Variants in SLC2A2 observed in about 807,000 individuals in gnomAD.
SLC2A2 encodes the protein solute carrier family 2, facilitated glucose transporter member 2.
In SLC2A2, 36 loss-of-function variants were observed where a neutral mutation model predicts 54.5. The observed-to-expected ratio is 0.66, with a 90% CI of 0.51 to 0.87. The LOEUF (loss-of-function observed/expected upper bound fraction) is 0.87. Ranked by LOEUF, SLC2A2 falls within the 40% of genes least tolerant of loss-of-function variation. SLC2A2 has a pLI of 0.00. For synonymous variants in SLC2A2, 223 were observed against 219.1 expected (o/e 1.02, Z -0.16); for missense variants, 543 against 624.3 (o/e 0.87, Z 1.39).
intron 7 of SLC2A2, 49 bp downstream of exon 7, chr3:171,005,236 A>G (rs1160095862): frequency 6.6e-7 from 1 of 1,520,266 alleles, no homozygotes; most frequent in Non-Finnish European, 9.1e-7. Flanking sequence ...TGCCTTCCCT[A>G]TTTTAATTCA....
intron 8 of SLC2A2, 125 bp from the exon 9 acceptor site, chr3:170,999,291 C>T: frequency 1.4e-6 from 1 of 721,132 alleles, no homozygotes; most frequent in East Asian, 2.8e-5. Context: ...GCAATTCCAT[C>T]CTTCCATTTT....
chr3:171,022,712 A>G (rs1426116141), intron 1 of SLC2A2, among the ~76,000 whole-genome samples: 1 of 152,146 alleles, frequency 6.6e-6, no homozygotes, highest in African/African-American at 2.4e-5. Flanking sequence ...TCTACCATAC[A>G]AACATATAAT....
At position 171,015,919 on chromosome 3, in the gene SLC2A2, T is replaced by G. The variant is rs185322054; in HGVS notation, c.109-1188A>C. ...ATATGCTTCATATAATTCAGATGAATTATAGGACATGGGAGGAAGACGAGG... is the reference window on the plus strand; with the variant it reads ...ATATGCTTCATATAATTCAGATGAAGTATAGGACATGGGAGGAAGACGAGG... On this transcript the variant is annotated intron_variant, in intron 2 of 10. Coordinates refer to ENST00000314251, the MANE Select transcript of SLC2A2 (RefSeq NM_000340.2). Among the ~76,000 whole-genome samples, 368 of 152,198 alleles carry G rather than the reference T, an allele frequency of 2.4e-3. 6 individuals carry two copies. The highest frequency in any genetic ancestry group is 6.5e-4 in the Non-Finnish European group (44 of 67,996).
chr3:171,009,915 GT>G (rs749307792), intron 4 of SLC2A2, 42 bp downstream of exon 4: 43,217 of 1,139,500 alleles, frequency 0.038, 536 homozygotes, highest in African/African-American at 0.11. Flanking sequence ...AAAGGTAGGT[GT>G]GTGTGTGTGT....
chr3:171,008,674 A>G (rs934798375), intron 4 of SLC2A2, among the ~76,000 whole-genome samples: 47 of 152,050 alleles, frequency 3.1e-4, no homozygotes, highest in African/African-American at 9.7e-4. Context: ...AATGGAGAGA[A>G]AAGAAAGAAG....
At chr3:171,003,152 A>C (rs1715417751) in intron 7 of SLC2A2, among the ~76,000 whole-genome samples, 1 of 151,902 alleles carries the variant, frequency 6.6e-6, no homozygotes. Flanking sequence ...AATTTTGTCT[A>C]CTTTTGTACT....
intron 2 of SLC2A2, 91 bp from the exon 3 acceptor site, chr3:171,014,822 T>A: frequency 1.0e-6 from 1 of 983,170 alleles, no homozygotes; most frequent in Non-Finnish European, 1.6e-6. Context: ...GTTTAAATAG[T>A]ACCATCTCAA....
chr3:171,014,171 G>A (rs557912966), intron 3 of SLC2A2, among the ~76,000 whole-genome samples: 18 of 152,288 alleles, frequency 1.2e-4, no homozygotes, highest in Non-Finnish European at 2.2e-4. Context: ...TGAGTTAACC[G>A]TTTGTGTAGT....
chr3:171,002,564 G>A lies in SLC2A2; in HGVS notation c.1068+12C>T. ...GGAACAAGCAGAGTATTTATCTAGG[G>A]CATTGACTTACAGAGACAGCAGTGA... is the stretch of plus-strand genomic sequence containing the variant. On this transcript the variant is annotated intron_variant, in intron 8 of 10. Transcript: ENST00000314251. 3 of 1,531,254 alleles carry A rather than the reference G, an allele frequency of 2.0e-6. No homozygotes were observed. The highest frequency in any genetic ancestry group is 2.7e-6 in the Non-Finnish European group (3 of 1,106,188). 94.9% of individuals were successfully genotyped at this position (1,531,254 alleles called of 1,614,324 possible).
At chr3:171,008,503 T>A (rs1013489243) in intron 4 of SLC2A2, among the ~76,000 whole-genome samples, 6 of 152,130 alleles carry the variant, frequency 3.9e-5, no homozygotes, top group Non-Finnish European at 1.5e-5. Context: ...TTTAGGAACT[T>A]TAATGCTCAG....
chr3:170,998,502 G>A, intron 9 of SLC2A2, 106 bp from the exon 10 acceptor site: 1 of 837,792 alleles, frequency 1.2e-6, no homozygotes, highest in Non-Finnish European at 2.0e-6. Flanking sequence ...TTTTTCTAAT[G>A]TATTTTGTTC....
At chr3:171,025,024 T>C (rs77638314) in intron 1 of SLC2A2, among the ~76,000 whole-genome samples, 2,057 of 152,316 alleles carry the variant, frequency 0.014, 48 homozygotes, top group African/African-American at 0.047. Context: ...ACCTTCCTTT[T>C]TGCAGTAGCT....
In SLC2A2 at chr3:170,996,792, A is replaced by C. The variant is rs1477848144; in HGVS notation, c.*1111T>G. On this transcript the variant is annotated 3_prime_UTR_variant, in exon 11 of 11. Transcript: ENST00000314251. ...AGGAGACGATTATTTTATGTTAGGAACACACCATAAAACAATCAGTCTTTC... is the reference window on the plus strand; with the variant it reads ...AGGAGACGATTATTTTATGTTAGGACCACACCATAAAACAATCAGTCTTTC... 7.6e-6 allele frequency: 3 copies of C among 395,134 alleles called. No individual in the cohort carries two copies. Among genetic ancestry groups the C allele is most frequent in the Non-Finnish European group, 1.3e-5 (3 of 224,084 alleles). 24.5% of individuals were successfully genotyped at this position (395,134 alleles called of 1,614,324 possible). A position where few individuals can be genotyped will look rare whatever the true frequency, so the allele number is the denominator to read the frequency against.
chr3:171,018,419 G>A (rs992582218), intron 2 of SLC2A2, 112 bp downstream of exon 2: 18 of 804,960 alleles, frequency 2.2e-5, no homozygotes, highest in Non-Finnish European at 4.0e-5. Context: ...GACAGGCCAG[G>A]ATGGCCTTGT....
intron 8 of SLC2A2, among the ~76,000 whole-genome samples, chr3:171,001,009 A>G (rs1002569021): frequency 1.3e-5 from 2 of 152,052 alleles, no homozygotes; most frequent in Non-Finnish European, 2.9e-5. Context: ...GTTTTAAAAG[A>G]TTATGTCACT....
Position 171,006,072 on chromosome 3 carries a change from C to G in SLC2A2, c.646G>C (p.Asp216His). 1 of 1,612,500 alleles carries G rather than the reference C, an allele frequency of 6.2e-7. No individual in the cohort carries two copies. Among genetic ancestry groups the G allele is most frequent in the Non-Finnish European group, 8.5e-7 (1 of 1,179,014 alleles). The stretch of plus-strand genomic sequence containing the variant: ...AGGCCAAGCAGGATGTGCCACAGAT[C>G]ATAATTGCCCAAGATAAATTCAAGA... ...IGLEFILGNYDLWHILLGLSG... is the reference protein window; with the variant it reads ...IGLEFILGNYHLWHILLGLSG... Residue 216 changes from aspartate to histidine, a missense_variant, in exon 6 of 11, where the codon GAT (aspartate) becomes CAT (histidine). Physicochemically the swap from Asp to His is moderately conservative, Grantham distance 81. Coordinates refer to ENST00000314251, the MANE Select transcript of SLC2A2 (RefSeq NM_000340.2).
At chr3:171,003,770 T>C (rs1300737953) in intron 7 of SLC2A2, among the ~76,000 whole-genome samples, 1 of 152,028 alleles carries the variant, frequency 6.6e-6, no homozygotes, top group Non-Finnish European at 1.5e-5. Flanking sequence ...TATGTATGCA[T>C]TTATAACTAG....
chr3:171,019,688 C>T (rs144503687), intron 1 of SLC2A2, among the ~76,000 whole-genome samples: 2 of 152,246 alleles, frequency 1.3e-5, no homozygotes, highest in African/African-American at 2.4e-5. Flanking sequence ...ATGTAATATG[C>T]TATGCAGCAG....
At chr3:171,007,012 C>T in intron 5 of SLC2A2, 136 bp downstream of exon 5, 3 of 702,270 alleles carry the variant, frequency 4.3e-6, no homozygotes, top group Non-Finnish European at 7.9e-6. Flanking sequence ...TGCTGGTCTA[C>T]AGTGAGAATG....
Sources: gnomAD v4.1 joint callset for allele counts (sites outside exome capture counted in the v4.1 genomes callset) on GRCh38, gnomAD v4.1.1 for gene constraint, MANE v1.5 for transcripts, NCBI Gene and HGNC (gene_info 2026-07-23, HGNC 2026-07-21) for gene names.